The following CACNG2 variants were observed in gnomAD, a reference collection of about 807,000 sequenced individuals.
CACNG2 encodes the protein calcium voltage-gated channel auxiliary subunit gamma 2.
A neutral mutation model predicts 25.9 loss-of-function variants in CACNG2; 3 were observed. The ratio of observed to expected loss-of-function variants is 0.12; its 90% CI spans 0.05 to 0.30. CACNG2 has a LOEUF of 0.30. CACNG2 is among the 10% of genes least tolerant of loss of function. CACNG2 has a pLI of 1.00. For missense variants in CACNG2, 341 were observed against 432.5 expected, an observed-to-expected ratio of 0.79 and a Z score of 1.88; for synonymous variants, 167 against 173.3, an observed-to-expected ratio of 0.96 and a Z score of 0.29.
chr22:36,645,910 C>T (rs1401419448), intron 1 of CACNG2, among the ~76,000 whole-genome samples: 2 of 152,154 alleles, frequency 1.3e-5, no homozygotes, highest in African/African-American at 4.8e-5. Flanking sequence ...TATAAAATTA[C>T]CTGCATAGAG....
chr22:36,640,424 C>T (rs765623585), intron 1 of CACNG2, among the ~76,000 whole-genome samples: 6 of 152,222 alleles, frequency 3.9e-5, no homozygotes, highest in African/African-American at 1.2e-4. Context: ...GTTTCCTTCA[C>T]GGAGGAGCAG....
intron 1 of CACNG2, among the ~76,000 whole-genome samples, chr22:36,668,968 T>C (rs1416735264): frequency 6.6e-6 from 1 of 152,150 alleles, no homozygotes; most frequent in Non-Finnish European, 1.5e-5. Context: ...CCTGCCCACA[T>C]TGGTGAGGGC....
chr22:36,628,861 GAA>G (rs2145956258), intron 1 of CACNG2, among the ~76,000 whole-genome samples: 2 of 152,236 alleles, frequency 1.3e-5, no homozygotes, highest in East Asian at 3.9e-4. Flanking sequence ...GTGGAGAGGT[GAA>G]AGAGGATCTG....
chr22:36,599,979 G>A (rs138495832), intron 1 of CACNG2, among the ~76,000 whole-genome samples: 7 of 152,342 alleles, frequency 4.6e-5, no homozygotes, highest in African/African-American at 1.7e-4. Context: ...AATGGGATGT[G>A]AGTGGAAATG....
chr22:36,659,657 A>G (rs73415668), intron 1 of CACNG2, among the ~76,000 whole-genome samples: 11,447 of 138,882 alleles, frequency 0.082, 1,910 homozygotes, highest in African/African-American at 0.32. Flanking sequence ...GGAGGGAGGG[A>G]ATGGCAGGGG....
intron 1 of CACNG2, among the ~76,000 whole-genome samples, chr22:36,672,888 T>C (rs1230524832): frequency 6.6e-6 from 1 of 152,220 alleles, no homozygotes; most frequent in Non-Finnish European, 1.5e-5. Context: ...GCTGTTTCTA[T>C]CTCCAGGCAC....
intron 1 of CACNG2, among the ~76,000 whole-genome samples, chr22:36,702,085 T>G (rs531271639): frequency 3.9e-5 from 6 of 152,166 alleles, no homozygotes; most frequent in African/African-American, 1.4e-4. Flanking sequence ...ACCTTTGACT[T>G]TTAGAGACAA....
At chr22:36,576,296 T>C (rs901507476) in intron 2 of CACNG2, among the ~76,000 whole-genome samples, 1 of 152,178 alleles carries the variant, frequency 6.6e-6, no homozygotes, top group Non-Finnish European at 1.5e-5. Flanking sequence ...AAACATTATA[T>C]GTTCTCACTC....
chr22:36,615,555 C>A (rs989553033), intron 1 of CACNG2, among the ~76,000 whole-genome samples: 3 of 152,218 alleles, frequency 2.0e-5, no homozygotes, highest in Non-Finnish European at 4.4e-5. Flanking sequence ...AATGATATGA[C>A]CATCATTCTC....
At chr22:36,674,337 CT>C (rs947117339) in intron 1 of CACNG2, among the ~76,000 whole-genome samples, 2 of 151,424 alleles carry the variant, frequency 1.3e-5, no homozygotes, top group South Asian at 4.2e-4. Flanking sequence ...TTTTTGCTTG[CT>C]TTTTTTTTGA....
chr22:36,663,722 C>G (rs1414919168), intron 1 of CACNG2, among the ~76,000 whole-genome samples: 1 of 152,188 alleles, frequency 6.6e-6, no homozygotes, highest in Non-Finnish European at 1.5e-5. Context: ...AGATGACTGC[C>G]TGGTACTGTT....
intron 1 of CACNG2, among the ~76,000 whole-genome samples, chr22:36,686,043 T>C (rs1444118332): frequency 6.6e-6 from 1 of 152,170 alleles, no homozygotes; most frequent in South Asian, 2.1e-4. Context: ...AGGAGACAGA[T>C]ACTTGAAAAC....
chr22:36,645,578 T>A (rs1189424612), intron 1 of CACNG2, among the ~76,000 whole-genome samples: 1 of 150,432 alleles, frequency 6.6e-6, no homozygotes, highest in East Asian at 1.9e-4. Context: ...AAATGCTAGT[T>A]TCTGTATTAT....
intron 1 of CACNG2, among the ~76,000 whole-genome samples, chr22:36,604,506 G>C (rs1442257137): frequency 6.6e-6 from 1 of 152,170 alleles, no homozygotes; most frequent in South Asian, 2.1e-4. Flanking sequence ...AATCTTTTGC[G>C]AAAGGAAGAA....
intron 1 of CACNG2, among the ~76,000 whole-genome samples, chr22:36,678,082 T>C (rs1240268132): frequency 3.3e-5 from 5 of 152,094 alleles, no homozygotes; most frequent in African/African-American, 1.2e-4. Flanking sequence ...AGAGAATTGG[T>C]ATTGAATCTG....
At chr22:36,568,264 A>G (rs936012383) in intron 2 of CACNG2, among the ~76,000 whole-genome samples, 2 of 152,268 alleles carry the variant, frequency 1.3e-5, no homozygotes, top group Admixed American at 6.5e-5. Flanking sequence ...TTGGAGGGGA[A>G]TGTGCCAGGA....
rs373497186 is a variant in CACNG2, at chr22:36,665,571, C to G, written c.211+36795G>C. On this transcript the variant is annotated intron_variant, in intron 1 of 3. Coordinates refer to ENST00000300105, the MANE Select transcript of CACNG2 (RefSeq NM_006078.5). Reference sequence around the variant, plus strand: ...CAAACAACTTGAACAGACATTTTTCCAAGGAAGGTGCTAGTTAAAATGACC... The same window carrying G: ...CAAACAACTTGAACAGACATTTTTCGAAGGAAGGTGCTAGTTAAAATGACC... Among the ~76,000 whole-genome samples, 10 of 152,242 alleles carry G rather than the reference C, an allele frequency of 6.6e-5. 1 individual carries two copies. The highest frequency in any genetic ancestry group is 6.2e-4 in the South Asian group (3 of 4,818).
chr22:36,650,296 A>C (rs1936589117), intron 1 of CACNG2, among the ~76,000 whole-genome samples: 1 of 151,718 alleles, frequency 6.6e-6, no homozygotes. Flanking sequence ...TCACCCTGAT[A>C]CCTCATTAGT....
At chr22:36,695,719 A>G (rs1268287392) in intron 1 of CACNG2, among the ~76,000 whole-genome samples, 1 of 152,086 alleles carries the variant, frequency 6.6e-6, no homozygotes, top group Non-Finnish European at 1.5e-5. Flanking sequence ...CTCACGTCTC[A>G]TGCATCTCCT....
Sources: allele counts gnomAD v4.1 joint callset (sites outside exome capture counted in the v4.1 genomes callset), GRCh38; gene constraint gnomAD v4.1.1; transcripts MANE v1.5; gene names NCBI Gene and HGNC (gene_info 2026-07-23, HGNC 2026-07-21).